The following STX8 variants were observed in gnomAD, a reference collection of about 807,000 sequenced individuals.
STX8 encodes the protein syntaxin-8.
In STX8, 23 loss-of-function variants were observed where a neutral mutation model predicts 37.5. That is an observed-to-expected ratio of 0.61 (90% CI 0.44 to 0.87). STX8 has a LOEUF of 0.87. Among genes scored for constraint, STX8 ranks in the 40% least tolerant of loss-of-function variants. The pLI, the probability that STX8 is intolerant of heterozygous loss-of-function variation, is 0.00. For missense variants in STX8, 313 were observed against 284.7 expected (o/e 1.10, Z -0.71); for synonymous variants, 115 against 99.1 (o/e 1.16, Z -0.95).
chr17:9,274,109 T>C (rs1907567625), intron 7 of STX8, among the ~76,000 whole-genome samples: 1 of 152,158 alleles, frequency 6.6e-6, no homozygotes, highest in Non-Finnish European at 1.5e-5. Context: ...GTCATTTTCT[T>C]ATGAAAAGTG....
intron 6 of STX8, among the ~76,000 whole-genome samples, chr17:9,451,506 G>T (rs144165731): frequency 1.4e-4 from 22 of 152,244 alleles, no homozygotes; most frequent in African/African-American, 4.8e-4. Context: ...GCTAGGGTTC[G>T]TGGTGTCTAA....
At chr17:9,369,886 C>CAAAAAAAAAAAAAAAA (rs60178482) in intron 7 of STX8, among the ~76,000 whole-genome samples, 1 of 52,152 alleles carries the variant, frequency 1.9e-5, no homozygotes, top group Non-Finnish European at 3.7e-5. Flanking sequence ...GACCCTGTAC[C>CAAAAAAAAAAAAAAAA]AAAAAAAAAA....
intron 2 of STX8, among the ~76,000 whole-genome samples, chr17:9,558,392 G>C (rs1597742620): frequency 6.6e-6 from 1 of 152,052 alleles, no homozygotes; most frequent in African/African-American, 2.4e-5. Flanking sequence ...TCAGAGACTG[G>C]CCCAGACTGC....
At chr17:9,482,094 C>T (rs1041041453) in intron 6 of STX8, among the ~76,000 whole-genome samples, 1 of 152,122 alleles carries the variant, frequency 6.6e-6, no homozygotes, top group African/African-American at 2.4e-5. Context: ...ATGGCTTCAT[C>T]CCAGGAGCTC....
chr17:9,505,026 G>A lies in STX8; in HGVS notation c.448+12C>T. The stretch of plus-strand genomic sequence containing the variant: ...AGGTTTCTGAGCCCACACTCCTCAG[G>A]ATATTTAGTACCTTGGATAATTTTC... On this transcript the variant is annotated intron_variant, in intron 5 of 7. Coordinates refer to ENST00000306357, the MANE Select transcript of STX8 (RefSeq NM_004853.3). 1.3e-6 allele frequency: 2 copies of A among 1,578,456 alleles called. No homozygotes were observed. The highest frequency in any genetic ancestry group is 1.7e-6 in the Non-Finnish European group (2 of 1,158,508).
intron 4 of STX8, among the ~76,000 whole-genome samples, chr17:9,534,430 A>G (rs986009347): frequency 6.6e-6 from 1 of 152,184 alleles, no homozygotes; most frequent in Non-Finnish European, 1.5e-5. Flanking sequence ...CACAATCCCA[A>G]TTGTTTTTAA....
intron 6 of STX8, among the ~76,000 whole-genome samples, chr17:9,425,365 T>C (rs898137647): frequency 1.3e-5 from 2 of 152,190 alleles, no homozygotes; most frequent in African/African-American, 2.4e-5. Context: ...ATTTTAATCA[T>C]ATAATACATG....
chr17:9,349,935 C>T (rs1206226324), intron 7 of STX8, among the ~76,000 whole-genome samples: 3 of 152,156 alleles, frequency 2.0e-5, no homozygotes, highest in Admixed American at 2.0e-4. Flanking sequence ...TGGGGTCTGA[C>T]TATGTTGACC....
chr17:9,442,126 G>C (rs376503072), intron 6 of STX8, among the ~76,000 whole-genome samples: 201 of 152,190 alleles, frequency 1.3e-3, no homozygotes, highest in African/African-American at 4.6e-3. Flanking sequence ...TCACTTTACC[G>C]CCACACACGT....
chr17:9,393,542 G>A (rs1912299966), intron 6 of STX8, among the ~76,000 whole-genome samples: 1 of 152,184 alleles, frequency 6.6e-6, no homozygotes, highest in African/African-American at 2.4e-5. Flanking sequence ...ATATACCATA[G>A]AGCAGGGTAG....
intron 5 of STX8, among the ~76,000 whole-genome samples, chr17:9,497,660 G>GATGTCCTCTT (rs1274328939): frequency 9.9e-5 from 15 of 152,202 alleles, no homozygotes; most frequent in Non-Finnish European, 1.3e-4. Flanking sequence ...CAATACAACA[G>GATGTCCTCTT]AGGGACATCC....
chr17:9,521,919 C>A (rs1025625102), intron 4 of STX8, among the ~76,000 whole-genome samples: 1 of 152,104 alleles, frequency 6.6e-6, no homozygotes, highest in African/African-American at 2.4e-5. Flanking sequence ...TAAAAGCAAT[C>A]CTATTTTTTC....
chr17:9,296,002 A>G (rs1377284887), intron 7 of STX8, among the ~76,000 whole-genome samples: 3 of 152,038 alleles, frequency 2.0e-5, no homozygotes, highest in Non-Finnish European at 4.4e-5. Context: ...CATCCTGGCT[A>G]ACACGGTGAA....
intron 6 of STX8, among the ~76,000 whole-genome samples, chr17:9,448,568 G>T (rs1029376342): frequency 4.1e-5 from 5 of 121,144 alleles, no homozygotes; most frequent in African/African-American, 1.5e-4. Flanking sequence ...CATGTATTCG[G>T]TAAGTTTCAT....
rs753122891 is a variant in STX8 at position 9,471,629 on chromosome 17, G to A, written c.541+20200C>T. Among the ~76,000 whole-genome samples, 44 of 152,202 alleles carry A rather than the reference G, an allele frequency of 2.9e-4. 1 individual carries two copies. The highest frequency in any genetic ancestry group is 6.8e-3 in the Middle Eastern group (2 of 294). On this transcript the variant is annotated intron_variant, in intron 6 of 7. Coordinates refer to ENST00000306357, the MANE Select transcript of STX8 (RefSeq NM_004853.3). ...GTTTCCTTCTGGGAGTCTGGGATGT[G>A]GGTACATGCCAGACAGGGTGCCTAT...
chr17:9,273,651 C>T (rs76989886), intron 7 of STX8, among the ~76,000 whole-genome samples: 3,437 of 152,346 alleles, frequency 0.023, 120 homozygotes, highest in African/African-American at 0.077. Context: ...ACTTTGTCTT[C>T]GCAAAGAAAG....
At chr17:9,408,921 A>G (rs977459194) in intron 6 of STX8, among the ~76,000 whole-genome samples, 4 of 152,174 alleles carry the variant, frequency 2.6e-5, no homozygotes, top group Admixed American at 2.6e-4. Flanking sequence ...ACAGACGTGC[A>G]CTAGGAACAG....
chr17:9,568,262 T>C (rs888631295), intron 2 of STX8, 109 bp downstream of exon 2: 2 of 736,332 alleles, frequency 2.7e-6, no homozygotes, highest in African/African-American at 3.5e-5. Flanking sequence ...TGTAAGCAGA[T>C]AGATCATCAT....
At position 9,491,889 on chromosome 17, in the gene STX8, T is replaced by C. The variant is rs975152138; in HGVS notation, c.481A>G (p.Ile161Val). The change falls in exon 6 of 8, where the codon ATC becomes GTC. Residue 161 changes from isoleucine to valine, a missense_variant. Ile to Val is a conservative substitution (Grantham distance 29). Transcript: ENST00000306357. ...QDAGLDALSS[I>V]ISRQKQMGQE... ...CCCATTTGTTTTTGGCGACTTATGA[T>C]AGAGGAAAGGGCATCAAGGCCTGCG... The C allele has an allele frequency of 8.7e-6, 14 of 1,613,634 alleles. No individual in the cohort carries two copies. The highest frequency in any genetic ancestry group is 1.1e-5 in the South Asian group (1 of 91,020).
Sources: gnomAD v4.1 joint callset for allele counts (sites outside exome capture counted in the v4.1 genomes callset) on GRCh38, gnomAD v4.1.1 for gene constraint, MANE v1.5 for transcripts, NCBI Gene and HGNC (gene_info 2026-07-23, HGNC 2026-07-21) for gene names.